VWC2: variants seen among roughly 807,000 people sequenced by gnomAD.
VWC2 encodes the protein von Willebrand factor C domain containing 2.
A neutral mutation model predicts 29.8 loss-of-function variants in VWC2; 14 were observed. The ratio of observed to expected loss-of-function variants is 0.47; its 90% confidence interval spans 0.31 to 0.74. VWC2 has a LOEUF of 0.74. VWC2 is among the 30% of genes least tolerant of loss of function. VWC2 has a pLI of 0.05. For synonymous variants in VWC2, 213 were observed against 199.0 expected (o/e 1.07, Z -0.59); for missense variants, 457 against 459.8 (o/e 0.99, Z 0.05).
chr7:49,825,132 TGTTGA>T (rs1789364791), intron 3 of VWC2, among the ~76,000 whole-genome samples: 2 of 152,222 alleles, frequency 1.3e-5, no homozygotes, highest in Admixed American at 6.5e-5. Flanking sequence ...TATAATCATC[TGTTGA>T]GTTAATTTAA....
intron 3 of VWC2, among the ~76,000 whole-genome samples, chr7:49,905,782 G>A (rs934942021): frequency 2.0e-5 from 3 of 148,060 alleles, no homozygotes; most frequent in Non-Finnish European, 4.5e-5. Flanking sequence ...GAAAGAGGTC[G>A]GCTCAAGAAA....
intron 3 of VWC2, among the ~76,000 whole-genome samples, chr7:49,895,273 A>G (rs1792326025): frequency 6.6e-6 from 1 of 152,190 alleles, no homozygotes; most frequent in Non-Finnish European, 1.5e-5. Flanking sequence ...AATCCCACTC[A>G]TGAGGGCTCT....
At chr7:49,898,341 ATTCT>A (rs1792505331) in intron 3 of VWC2, among the ~76,000 whole-genome samples, 1 of 151,720 alleles carries the variant, frequency 6.6e-6, no homozygotes, top group Non-Finnish European at 1.5e-5. Flanking sequence ...ACCTTCACTT[ATTCT>A]TTCTATGATG....
Position 49,912,214 on chromosome 7 carries a change from T to C in VWC2, c.*29T>C. On this transcript the variant is annotated 3_prime_UTR_variant, in exon 4 of 4. Transcript: ENST00000340652. ...CTTCCCAGAACACAAACTCTGACTT[T>C]TTCTAGAACATTTTACTGATGTGAA... is the stretch of plus-strand genomic sequence containing the variant. 2 of 1,612,340 alleles carry C rather than the reference T, an allele frequency of 1.2e-6. No homozygotes were observed. Among genetic ancestry groups the C allele is most frequent in the South Asian group, 1.1e-5 (1 of 90,892 alleles).
In VWC2 at chr7:49,871,404, G is replaced by A. The variant is rs137973012; in HGVS notation, c.827-40630G>A. Among the ~76,000 whole-genome samples the A allele has an allele frequency of 1.6e-3, 236 of 152,176 alleles. 3 individuals are homozygous for A. Among genetic ancestry groups the A allele is most frequent in the African/African-American group, 5.4e-3 (226 of 41,526 alleles). ...TTTAATAAGAAAATATGAAATTATG[G>A]TGAAAACTCATCAGTAATGAAATGG... is the stretch of plus-strand genomic sequence containing the variant. On this transcript the variant is annotated intron_variant, in intron 3 of 3. Coordinates refer to ENST00000340652, the MANE Select transcript of VWC2 (RefSeq NM_198570.5).
intron 3 of VWC2, among the ~76,000 whole-genome samples, chr7:49,853,597 A>G (rs1790286660): frequency 6.6e-6 from 1 of 152,148 alleles, no homozygotes; most frequent in South Asian, 2.1e-4. Context: ...AAGAATTTAC[A>G]TAAAGTATGT....
chr7:49,886,469 A>T (rs1387736665), intron 3 of VWC2, among the ~76,000 whole-genome samples: 1 of 152,098 alleles, frequency 6.6e-6, no homozygotes, highest in Non-Finnish European at 1.5e-5. Flanking sequence ...TAACTATTTC[A>T]TTGGTATGCT....
At chr7:49,856,949 T>G (rs150958103) in intron 3 of VWC2, among the ~76,000 whole-genome samples, 1,353 of 132,280 alleles carry the variant, frequency 0.01, 24 homozygotes, top group African/African-American at 0.036. Flanking sequence ...GGTGGAGCTT[T>G]CAGTGAGCTG....
intron 3 of VWC2, among the ~76,000 whole-genome samples, chr7:49,907,473 G>C (rs1793169091): frequency 6.6e-6 from 1 of 152,090 alleles, no homozygotes; most frequent in African/African-American, 2.4e-5. Context: ...AAATAGGAGA[G>C]TATATTAAGG....
At chr7:49,776,647 G>T (rs1788061195) in intron 2 of VWC2, among the ~76,000 whole-genome samples, 1 of 152,194 alleles carries the variant, frequency 6.6e-6, no homozygotes, top group African/African-American at 2.4e-5. Context: ...TGCTCACTGG[G>T]TGCCAAATCA....
intron 2 of VWC2, among the ~76,000 whole-genome samples, chr7:49,784,811 G>A (rs1788257622): frequency 6.6e-6 from 1 of 152,096 alleles, no homozygotes; most frequent in Non-Finnish European, 1.5e-5. Flanking sequence ...AACACACACG[G>A]GGTGAATGCA....
intron 3 of VWC2, among the ~76,000 whole-genome samples, chr7:49,864,406 T>C (rs1244817217): frequency 6.6e-6 from 1 of 152,136 alleles, no homozygotes; most frequent in Admixed American, 6.5e-5. Flanking sequence ...TTCTCAGTTT[T>C]TTTCTGATCA....
rs1475155644 is a variant in VWC2 at position 49,802,812 on chromosome 7, T to C, written c.798T>C (p.Pro266=). 1 of 1,614,104 alleles carries C rather than the reference T, an allele frequency of 6.2e-7. No homozygotes were observed. The highest frequency in any genetic ancestry group is 1.3e-5 in the African/African-American group (1 of 74,934). Residue 266 remains proline (P), a synonymous_variant, in exon 3 of 4, where the codon CCT becomes CCC. Coordinates refer to ENST00000340652, the MANE Select transcript of VWC2 (RefSeq NM_198570.5). The part of the protein sequence containing the change: ...QTECVDPVYE[P]DQCCPICKNG... ...AGTGTGTGGACCCTGTGTACGAGCCTGATCAGTGCTGTCCCATCTGCAAAA... is the reference window on the plus strand; with the variant it reads ...AGTGTGTGGACCCTGTGTACGAGCCCGATCAGTGCTGTCCCATCTGCAAAA...
intron 3 of VWC2, among the ~76,000 whole-genome samples, chr7:49,909,142 A>G (rs1267476432): frequency 3.9e-5 from 6 of 152,206 alleles, no homozygotes; most frequent in Admixed American, 6.5e-5. Flanking sequence ...TCACATAACT[A>G]TTAAGTACCA....
At chr7:49,817,498 A>C (rs1297095300) in intron 3 of VWC2, among the ~76,000 whole-genome samples, 5 of 152,212 alleles carry the variant, frequency 3.3e-5, no homozygotes, top group African/African-American at 1.2e-4. Context: ...CCAGGAGAAT[A>C]AGCCAATGAA....
At chr7:49,847,886 G>T (rs1790009491) in intron 3 of VWC2, among the ~76,000 whole-genome samples, 1 of 152,162 alleles carries the variant, frequency 6.6e-6, no homozygotes, top group African/African-American at 2.4e-5. Flanking sequence ...TAATCAACAA[G>T]AAAAGTGCAC....
intron 3 of VWC2, among the ~76,000 whole-genome samples, chr7:49,860,284 T>C (rs901544833): frequency 1.3e-5 from 2 of 152,210 alleles, no homozygotes; most frequent in Admixed American, 1.3e-4. Flanking sequence ...CATGGTAAAT[T>C]TGAATCTAAT....
intron 3 of VWC2, among the ~76,000 whole-genome samples, chr7:49,846,122 A>G (rs890210221): frequency 3.3e-5 from 5 of 152,214 alleles, no homozygotes; most frequent in Middle Eastern, 3.2e-3. Context: ...AGAGATAACT[A>G]TCCCAAGGAT....
chr7:49,794,483 T>A (rs1414903383), intron 2 of VWC2, among the ~76,000 whole-genome samples: 1 of 152,192 alleles, frequency 6.6e-6, no homozygotes, highest in Non-Finnish European at 1.5e-5. Context: ...TGCACTGTCT[T>A]TGGCCCTTGT....
Sources: gnomAD v4.1 joint callset for allele counts (sites outside exome capture counted in the v4.1 genomes callset) on GRCh38, gnomAD v4.1.1 for gene constraint, MANE v1.5 for transcripts, NCBI Gene and HGNC (gene_info 2026-07-23, HGNC 2026-07-21) for gene names.